ZNF180: variants seen among roughly 807,000 people sequenced by gnomAD.
ZNF180 encodes zinc finger protein 180, also known as zinc finger protein 180 (HHZ168).
In ZNF180, 11 loss-of-function variants were observed where a neutral mutation model predicts 11.8. The ratio of observed to expected loss-of-function variants is 0.93; its 90% CI spans 0.59 to 1.55. ZNF180 has a LOEUF of 1.55. Among genes scored for constraint, ZNF180 ranks in the 40% most tolerant of loss-of-function variants. The pLI, the probability that ZNF180 is intolerant of heterozygous loss-of-function variation, is 0.00. For synonymous variants in ZNF180, 287 were observed against 257.7 expected, an observed-to-expected ratio of 1.11 and a Z score of -1.09; for missense variants, 773 against 781.7, an observed-to-expected ratio of 0.99 and a Z score of 0.13.
chr19:44,489,828 AGAAAAGAAG>A (rs1408301857), intron 2 of ZNF180, among the ~76,000 whole-genome samples: 182 of 102,994 alleles, frequency 1.8e-3, no homozygotes, highest in African/African-American at 4.9e-3. Context: ...AAGAAAAGAA[AGAAAAGAAG>A]AGAAGAGATG....
intron 1 of ZNF180, among the ~76,000 whole-genome samples, chr19:44,499,747 C>T (rs1408767485): frequency 4.6e-5 from 7 of 152,216 alleles, no homozygotes; most frequent in Non-Finnish European, 1.0e-4. Flanking sequence ...GTCTCTCCAC[C>T]AACCACAGCG....
intron 2 of ZNF180, among the ~76,000 whole-genome samples, chr19:44,489,026 G>A (rs1489038002): frequency 2.0e-5 from 3 of 150,304 alleles, no homozygotes; most frequent in Non-Finnish European, 4.5e-5. Flanking sequence ...TAGCGTCTCC[G>A]CCCGGCAGCC....
At position 44,497,213 on chromosome 19, in the gene ZNF180, G is replaced by A. The variant is rs139773959; in HGVS notation, c.51+71C>T. 468 of 1,384,948 alleles carry A rather than the reference G, an allele frequency of 3.4e-4. 2 individuals carry two copies. In the East Asian group the frequency reaches 8.9e-3, roughly 26 times the overall value. 85.8% of individuals were successfully genotyped at this position (1,384,948 alleles called of 1,614,324 possible). Reference sequence around the variant, plus strand: ...CCTAAAAGGCTGCAAAGAGAGTCAGGGAGGAGCCACAGCCTCCCAAGCTGA... The same window carrying A: ...CCTAAAAGGCTGCAAAGAGAGTCAGAGAGGAGCCACAGCCTCCCAAGCTGA... On this transcript the variant is annotated intron_variant, in intron 2 of 4. Coordinates refer to ENST00000592529, the MANE Select transcript of ZNF180 (RefSeq NM_001278509.3).
chr19:44,489,825 GAAAGA>G (rs1555674147), intron 2 of ZNF180, among the ~76,000 whole-genome samples: 71 of 94,652 alleles, frequency 7.5e-4, no homozygotes, highest in African/African-American at 2.3e-3. Context: ...CGAAAGAAAA[GAAAGA>G]AAAGAAGAGA....
intron 3 of ZNF180, among the ~76,000 whole-genome samples, chr19:44,480,449 G>A (rs1970048947): frequency 6.6e-6 from 1 of 152,022 alleles, no homozygotes; most frequent in South Asian, 2.1e-4. Context: ...TATTTATTAG[G>A]CCTAATAATA....
rs140854884 is a variant in ZNF180 at position 44,494,988 on chromosome 19, C to T, written c.51+2296G>A. On this transcript the variant is annotated intron_variant, in intron 2 of 4. Coordinates refer to ENST00000592529, the MANE Select transcript of ZNF180 (RefSeq NM_001278509.3). Reference sequence around the variant, plus strand: ...GACAGGGAATCTGTGTGCACACATACGCACACCGATACAAGCACACATCTC... The same window carrying T: ...GACAGGGAATCTGTGTGCACACATATGCACACCGATACAAGCACACATCTC... Among the ~76,000 whole-genome samples the T allele has an allele frequency of 2.0e-3, 301 of 152,240 alleles. 3 individuals carry two copies. The highest frequency in any genetic ancestry group is 6.5e-3 in the African/African-American group (269 of 41,528).
chr19:44,476,856 G>A lies in ZNF180; in HGVS notation c.1544C>T (p.Thr515Ile), dbSNP rs1969903475. 6.2e-7 allele frequency: 1 copy of A among 1,614,128 alleles called. No homozygotes were observed. ...TTCATACGGTTTCTCTCCAGTGTGA[G>A]TTCTTTGATGTGCAACAAGCTGAGA... ...WSSQLVAHQR[T>I]HTGEKPYECS... The change falls in exon 5 of 5, where the codon ACT becomes ATT. Residue 515 changes from threonine to isoleucine, a missense_variant. By Grantham distance (89) the Thr-to-Ile change is moderately conservative. Coordinates refer to ENST00000592529, the MANE Select transcript of ZNF180 (RefSeq NM_001278509.3).
rs1309516066 is a variant in ZNF180, at chr19:44,476,225, C to G, written c.*177G>C. 1 of 577,934 alleles carries G rather than the reference C, an allele frequency of 1.7e-6. No individual in the cohort carries two copies. The highest frequency in any genetic ancestry group is 1.9e-5 in the African/African-American group (1 of 52,556). The allele number at this position is 577,934 out of a possible 1,614,324, so 35.8% of individuals were successfully genotyped here. A position where few individuals can be genotyped will look rare whatever the true frequency, so the allele number is the denominator to read the frequency against. On this transcript the variant is annotated 3_prime_UTR_variant, in exon 5 of 5. Transcript: ENST00000592529. ...GGAATTGCCAGGTTGAAAAGTCGTT[C>G]ATAGACTTTCCCCCTTTCTTTTCCA... is the stretch of plus-strand genomic sequence containing the variant.
At position 44,478,076 on chromosome 19, in the gene ZNF180, A is replaced by T; in HGVS notation, c.324T>A (p.Asn108Lys). ...KQRIFDEEPA[N>K]GVKIERFTRD... is the part of the protein sequence containing the mutation. Reference sequence around the variant, plus strand: ...TTGTAAACCTTTCTATCTTCACTCCATTAGCTGGTTCTTCATCAAAAATCC... The same window carrying T: ...TTGTAAACCTTTCTATCTTCACTCCTTTAGCTGGTTCTTCATCAAAAATCC... Residue 108 changes from asparagine to lysine, a missense_variant, in exon 5 of 5, where the codon AAT becomes AAA. Physicochemically the swap from Asn to Lys is moderately conservative, Grantham distance 94. Transcript: ENST00000592529. 1 of 1,607,392 alleles carries T rather than the reference A, an allele frequency of 6.2e-7. No individual in the cohort carries two copies. Among genetic ancestry groups the T allele is most frequent in the South Asian group, 1.1e-5 (1 of 89,588 alleles).
rs1218148149 is a variant in ZNF180 at position 44,475,502 on chromosome 19, T to C, written c.*900A>G. 3 of 152,210 alleles carry C rather than the reference T, an allele frequency of 2.0e-5. No homozygotes were observed. The highest frequency in any genetic ancestry group is 1.3e-4 in the Admixed American group (2 of 15,288). 9.4% of individuals were successfully genotyped at this position (152,210 alleles called of 1,614,324 possible). On this transcript the variant is annotated 3_prime_UTR_variant, in exon 5 of 5. Transcript: ENST00000592529. ...AATCCATTTTATTTTCAATGAGGAA[T>C]GTTCCTAGGAATCTATGTCCTAAGT...
chr19:44,493,895 G>A (rs1970511332), intron 2 of ZNF180, among the ~76,000 whole-genome samples: 1 of 152,144 alleles, frequency 6.6e-6, no homozygotes, highest in Admixed American at 6.5e-5. Flanking sequence ...CTCCCACCTA[G>A]TCAAGCCTTC....
At chr19:44,483,693 A>G (rs1469508485) in intron 3 of ZNF180, among the ~76,000 whole-genome samples, 2 of 152,166 alleles carry the variant, frequency 1.3e-5, no homozygotes, top group Non-Finnish European at 2.9e-5. Flanking sequence ...CACTGTTCCT[A>G]TATAAATCCT....
At chr19:44,492,887 C>T (rs1369379242) in intron 2 of ZNF180, among the ~76,000 whole-genome samples, 1 of 152,134 alleles carries the variant, frequency 6.6e-6, no homozygotes, top group African/African-American at 2.4e-5. Flanking sequence ...GCCCTGGGAG[C>T]TGGAAGGTGG....
Position 44,497,343 on chromosome 19 carries a change from C to A in ZNF180, c.-9G>T. 1 of 1,598,308 alleles carries A rather than the reference C, an allele frequency of 6.3e-7. No homozygotes were observed. Among genetic ancestry groups the A allele is most frequent in the Non-Finnish European group, 8.5e-7 (1 of 1,174,948 alleles). The stretch of plus-strand genomic sequence containing the variant: ...TCATCCTGCTCTTCCATGCTCTCCT[C>A]CAGGCACAGCAGGGTGCTGAGGTCC... On this transcript the variant is annotated 5_prime_UTR_variant, in exon 2 of 5. Coordinates refer to ENST00000592529, the MANE Select transcript of ZNF180 (RefSeq NM_001278509.3).
chr19:44,494,185 T>A (rs1970519457), intron 2 of ZNF180, among the ~76,000 whole-genome samples: 1 of 152,202 alleles, frequency 6.6e-6, no homozygotes, highest in Admixed American at 6.5e-5. Flanking sequence ...GTCTGTCTCA[T>A]CTTTCCCCAC....
At chr19:44,490,821 G>GT (rs1320604655) in intron 2 of ZNF180, among the ~76,000 whole-genome samples, 5 of 152,160 alleles carry the variant, frequency 3.3e-5, no homozygotes, top group African/African-American at 1.2e-4. Context: ...AATGCAAACT[G>GT]TTTTTAGCAC....
In ZNF180 at chr19:44,500,382, C is replaced by A; in HGVS notation, c.-151G>T. ...GGTTAGGCAACCCCCTGCCCCGATT[C>A]TGCAACACGGCCGACTCGGGTTAAG... On this transcript the variant is annotated 5_prime_UTR_variant, in exon 1 of 5. An upstream open reading frame in the 5' UTR gains an earlier in-frame stop. Coordinates refer to ENST00000592529, the MANE Select transcript of ZNF180 (RefSeq NM_001278509.3). 1 of 1,020,484 alleles carries A rather than the reference C, an allele frequency of 9.8e-7. No homozygotes were observed. The highest frequency in any genetic ancestry group is 1.5e-6 in the Non-Finnish European group (1 of 670,060). 63.2% of individuals were successfully genotyped at this position (1,020,484 alleles called of 1,614,324 possible).
chr19:44,476,042 C>T lies in ZNF180; in HGVS notation c.*360G>A. The T allele has an allele frequency of 5.5e-6, 1 of 181,438 alleles. No homozygotes were observed. The highest frequency in any genetic ancestry group is 2.4e-3 in the Middle Eastern group (1 of 418). 11.2% of individuals were successfully genotyped at this position (181,438 alleles called of 1,614,324 possible). A position where few individuals can be genotyped will look rare whatever the true frequency, so the allele number is the denominator to read the frequency against. ...CAATAAGCCCACTAGTGTTAGCATTCCATTTACTCTTTATGGAAAAAGAGG... is the reference window on the plus strand; with the variant it reads ...CAATAAGCCCACTAGTGTTAGCATTTCATTTACTCTTTATGGAAAAAGAGG... On this transcript the variant is annotated 3_prime_UTR_variant, in exon 5 of 5. Coordinates refer to ENST00000592529, the MANE Select transcript of ZNF180 (RefSeq NM_001278509.3).
chr19:44,491,093 A>G (rs1031594122), intron 2 of ZNF180, among the ~76,000 whole-genome samples: 4 of 152,228 alleles, frequency 2.6e-5, no homozygotes, highest in African/African-American at 7.2e-5. Context: ...CTACTGACAC[A>G]TAGCAGGCTC....
Sources: allele counts gnomAD v4.1 joint callset (sites outside exome capture counted in the v4.1 genomes callset), GRCh38; gene constraint gnomAD v4.1.1; transcripts MANE v1.5; gene names NCBI Gene and HGNC (gene_info 2026-07-23, HGNC 2026-07-21).